SLC15A5: variants seen among roughly 807,000 people sequenced by gnomAD.
The protein encoded by SLC15A5 is Peptide/histidine transporter ENSP00000340402.
In SLC15A5, 58 loss-of-function variants were observed where a neutral mutation model predicts 56.1. The observed-to-expected ratio is 1.03, with a 90% CI of 0.84 to 1.29. The LOEUF is 1.29. Ranked by LOEUF, SLC15A5 falls within the 50% of genes most tolerant of loss-of-function variation. SLC15A5 has a pLI of 0.00. For missense variants in SLC15A5, 681 were observed against 672.1 expected, an observed-to-expected ratio of 1.01 and a Z score of -0.15; for synonymous variants, 264 against 250.5, an observed-to-expected ratio of 1.05 and a Z score of -0.51.
chr12:16,247,116 G>T (rs1864469605), intron 3 of SLC15A5, among the ~76,000 whole-genome samples: 1 of 151,946 alleles, frequency 6.6e-6, no homozygotes, highest in Non-Finnish European at 1.5e-5. Flanking sequence ...TTGTATACTG[G>T]CAACAAACAG....
At chr12:16,258,916 C>G (rs1389492313) in intron 2 of SLC15A5, among the ~76,000 whole-genome samples, 1 of 151,046 alleles carries the variant, frequency 6.6e-6, no homozygotes, top group African/African-American at 2.4e-5. Context: ...TGTGCCTGCA[C>G]TCAGGGGGAT....
intron 5 of SLC15A5, among the ~76,000 whole-genome samples, chr12:16,229,647 TACACACAC>T (rs71438372): frequency 0.044 from 6,340 of 144,358 alleles, 170 homozygotes; most frequent in African/African-American, 0.069. Context: ...CACACACACA[TACACACAC>T]ACACACACAC....
intron 5 of SLC15A5, among the ~76,000 whole-genome samples, chr12:16,226,356 TGAATTA>T (rs1426951848): frequency 6.6e-6 from 1 of 152,156 alleles, no homozygotes; most frequent in Admixed American, 6.6e-5. Context: ...GTGGATCCCT[TGAATTA>T]GTAGCAATTA....
At chr12:16,240,957 C>T (rs1020368180) in intron 4 of SLC15A5, among the ~76,000 whole-genome samples, 10 of 151,942 alleles carry the variant, frequency 6.6e-5, no homozygotes, top group East Asian at 3.9e-4. Context: ...AGACTACAGG[C>T]GCCCGCCACC....
At chr12:16,265,114 A>G (rs1864681143) in intron 2 of SLC15A5, among the ~76,000 whole-genome samples, 1 of 152,170 alleles carries the variant, frequency 6.6e-6, no homozygotes, top group Non-Finnish European at 1.5e-5. Context: ...TCTTGTTTTC[A>G]GTGGAAAGAT....
Position 16,272,580 on chromosome 12 carries a change from T to G in SLC15A5, c.565A>C (p.Thr189Pro), listed in dbSNP as rs777106961. Residue 189 changes from threonine to proline, a missense_variant, in exon 2 of 9, where the codon ACG becomes CCG. Transcript: ENST00000344941. Reference sequence around the variant, plus strand: ...ACTTACCAGTTAAAAAAAGACATCGTTTTTTGTGATCCATACTCCTGAAGG... The same window carrying G: ...ACTTACCAGTTAAAAAAAGACATCGGTTTTTGTGATCCATACTCCTGAAGG... ...FGLQEYGSQK[T>P]MSFFNWFYWL... 2.5e-5 allele frequency: 39 copies of G among 1,536,662 alleles called. No homozygotes were observed. In the South Asian group the frequency reaches 4.0e-4, roughly 16 times the overall value.
At chr12:16,255,248 A>G (rs1399101938) in intron 3 of SLC15A5, among the ~76,000 whole-genome samples, 2 of 152,138 alleles carry the variant, frequency 1.3e-5, no homozygotes, top group Admixed American at 1.3e-4. Flanking sequence ...TTTTACCACA[A>G]TAAATACCAC....
chr12:16,276,915 A>G (rs967812377), intron 1 of SLC15A5, among the ~76,000 whole-genome samples: 5 of 152,064 alleles, frequency 3.3e-5, no homozygotes, highest in Non-Finnish European at 7.4e-5. Context: ...ACATTTCTCA[A>G]TTATTTTACA....
chr12:16,262,602 G>C (rs1240610620), intron 2 of SLC15A5, among the ~76,000 whole-genome samples: 5 of 152,206 alleles, frequency 3.3e-5, no homozygotes, highest in Admixed American at 1.3e-4. Flanking sequence ...CTCCAACCCT[G>C]ATTTCAGGAA....
chr12:16,267,002 T>C lies in SLC15A5; in HGVS notation c.584+5559A>G, dbSNP rs559442655. 1.1e-4 allele frequency among the ~76,000 whole-genome samples: 16 copies of C among 152,314 alleles called. No individual in the cohort carries two copies. In the South Asian group the frequency reaches 3.3e-3, roughly 32 times the overall value. On this transcript the variant is annotated intron_variant, in intron 2 of 8. Coordinates refer to ENST00000344941, the MANE Select transcript of SLC15A5 (RefSeq NM_001170798.1). ...TTATGAGATTATTTTAAACATTCACTTAATTAATTTAGTAATAAATTTAAA... is the reference window on the plus strand; with the variant it reads ...TTATGAGATTATTTTAAACATTCACCTAATTAATTTAGTAATAAATTTAAA...
At chr12:16,264,019 G>A (rs1305417138) in intron 2 of SLC15A5, among the ~76,000 whole-genome samples, 2 of 152,192 alleles carry the variant, frequency 1.3e-5, no homozygotes, top group Non-Finnish European at 2.9e-5. Context: ...TCCTAATGGG[G>A]CATTGCCTAC....
chr12:16,192,304 G>C (rs888645719), intron 8 of SLC15A5, among the ~76,000 whole-genome samples: 2 of 152,000 alleles, frequency 1.3e-5, no homozygotes, highest in African/African-American at 4.8e-5. Context: ...CCCTAAGAAA[G>C]TATGCAGGAG....
chr12:16,219,840 G>T (rs906938208), intron 6 of SLC15A5, among the ~76,000 whole-genome samples: 1 of 151,902 alleles, frequency 6.6e-6, no homozygotes, highest in Non-Finnish European at 1.5e-5. Context: ...TAAAGTTCCC[G>T]TTTTTCTATG....
chr12:16,210,160 C>A (rs1284819805), intron 7 of SLC15A5, among the ~76,000 whole-genome samples: 2 of 152,134 alleles, frequency 1.3e-5, no homozygotes, highest in Non-Finnish European at 2.9e-5. Context: ...AGAAAAACCT[C>A]ATTCCTAGGC....
At chr12:16,194,075 A>T (rs1397701525) in intron 8 of SLC15A5, among the ~76,000 whole-genome samples, 1 of 152,012 alleles carries the variant, frequency 6.6e-6, no homozygotes, top group Non-Finnish European at 1.5e-5. Flanking sequence ...CGATAAGCTT[A>T]TTTCTAATTC....
Position 16,271,599 on chromosome 12 carries a change from A to AAG in SLC15A5, c.584+960_584+961dup, listed in dbSNP as rs5796662. Among the ~76,000 whole-genome samples the AAG allele has an allele frequency of 6.6e-6, 1 of 151,926 alleles. No homozygotes were observed. Among genetic ancestry groups the AAG allele is most frequent in the Admixed American group, 6.6e-5 (1 of 15,236 alleles). On this transcript the variant is annotated intron_variant, in intron 2 of 8. Coordinates refer to ENST00000344941, the MANE Select transcript of SLC15A5 (RefSeq NM_001170798.1). This position sits in a 1 kb window ranked among gnomAD's most constrained non-coding sequence, Gnocchi z 8.0. ...GGAGCAAGAGAAAGAAAAAGAAAGA[A>AAG]AGAGAAAAGAGGAACTGCCTCGGAT...
chr12:16,221,761 G>C (rs1332939757), intron 6 of SLC15A5, among the ~76,000 whole-genome samples: 9 of 152,142 alleles, frequency 5.9e-5, no homozygotes, highest in Non-Finnish European at 1.5e-5. Flanking sequence ...TGGTCGAATT[G>C]GGGCTGGAGA....
At chr12:16,227,273 A>T (rs746696931) in intron 5 of SLC15A5, among the ~76,000 whole-genome samples, 15 of 152,220 alleles carry the variant, frequency 9.9e-5, no homozygotes, top group Non-Finnish European at 1.8e-4. Flanking sequence ...TGATTTTAAG[A>T]CCAAATTCAT....
In SLC15A5 at chr12:16,194,565, C is replaced by G. The variant is rs945278958; in HGVS notation, c.1484-112G>C. ...GTTCGCTTCAGTAATATCCACAAAG[C>G]AAAAAAGCTCATCTGAAACTTGATT... On this transcript the variant is annotated intron_variant, in intron 7 of 8. Coordinates refer to ENST00000344941, the MANE Select transcript of SLC15A5 (RefSeq NM_001170798.1). The G allele has an allele frequency of 5.2e-5, 31 of 599,342 alleles. No homozygotes were observed. The South Asian group carries it at 1.1e-3, about 21-fold the overall frequency. The allele number at this position is 599,342 out of a possible 1,614,324, so 37.1% of individuals were successfully genotyped here.
Sources: gnomAD v4.1 joint callset for allele counts (sites outside exome capture counted in the v4.1 genomes callset) on GRCh38, gnomAD v4.1.1 for gene constraint, Gnocchi (gnomAD v3.1) non-coding constraint, MANE v1.5 for transcripts, NCBI Gene and HGNC (gene_info 2026-07-23, HGNC 2026-07-21) for gene names.